The following BANK1 variants were observed in gnomAD, a reference collection of about 807,000 sequenced individuals.
The protein encoded by BANK1 is B cell scaffold protein with ankyrin repeats 1.
In BANK1, 95 loss-of-function variants were observed where a neutral mutation model predicts 94.5. That is an observed-to-expected ratio of 1.00 (90% CI 0.85 to 1.19). The LOEUF (loss-of-function observed/expected upper bound fraction) is 1.19. BANK1 is among the 50% of genes most tolerant of loss of function. The probability of loss-of-function intolerance (pLI) is 0.00; values close to 1 mark genes in which losing one functional copy is unlikely to be tolerated. For missense variants in BANK1, 987 were observed against 932.2 expected (o/e 1.06, Z -0.77); for synonymous variants, 334 against 308.4 (o/e 1.08, Z -0.87).
intron 2 of BANK1, among the ~76,000 whole-genome samples, chr4:101,851,865 T>C (rs1727489669): frequency 6.6e-6 from 1 of 152,196 alleles, no homozygotes; most frequent in East Asian, 1.9e-4. Context: ...TTTTGCTCAG[T>C]AGAAGTAGCA....
chr4:102,069,299 C>T (rs753059698), intron 13 of BANK1, among the ~76,000 whole-genome samples: 1 of 152,148 alleles, frequency 6.6e-6, no homozygotes, highest in South Asian at 2.1e-4. Context: ...GAGGCAGTGA[C>T]GGCCCAGCAT....
intron 6 of BANK1, among the ~76,000 whole-genome samples, chr4:101,903,041 G>C (rs1722333478): frequency 6.6e-6 from 1 of 152,184 alleles, no homozygotes; most frequent in South Asian, 2.1e-4. Flanking sequence ...ATAAAAAGAA[G>C]TGAATACCTT....
In BANK1 at chr4:101,918,075, AT is replaced by A; in HGVS notation, c.1093del (p.Cys365ValfsTer10). ...AGAACCTGGCTATTCATTTGCTTCA[AT>A]GTTCAGGAGCAACCTGGGCATCTAA... ...LKNLAIHLLQ[C>X]SGATWASKMK... On this transcript the variant is annotated frameshift_variant, in exon 7 of 17. Transcript: ENST00000322953. LOFTEE classifies it high-confidence loss of function. The A allele has an allele frequency of 6.2e-7, 1 of 1,612,022 alleles. No individual in the cohort carries two copies. The highest frequency in any genetic ancestry group is 2.2e-5 in the East Asian group (1 of 44,806).
At chr4:101,886,764 G>A (rs904977888) in intron 5 of BANK1, among the ~76,000 whole-genome samples, 2 of 134,280 alleles carry the variant, frequency 1.5e-5, no homozygotes, top group South Asian at 2.4e-4. Flanking sequence ...AATATATTGG[G>A]GGGGGGGGCA....
chr4:102,029,886 A>G, intron 9 of BANK1, 74 bp from the exon 10 acceptor site: 1 of 1,461,620 alleles, frequency 6.8e-7, no homozygotes, highest in African/African-American at 1.4e-5. Flanking sequence ...GGAAGCTCAA[A>G]AAAGTGACAG....
intron 6 of BANK1, among the ~76,000 whole-genome samples, chr4:101,912,635 T>A (rs1381181669): frequency 6.7e-6 from 1 of 148,244 alleles, no homozygotes; most frequent in Non-Finnish European, 1.5e-5. Context: ...TATTAATAAA[T>A]ATATAAATAA....
intron 7 of BANK1, among the ~76,000 whole-genome samples, chr4:102,017,782 T>C (rs1281234060): frequency 1.3e-5 from 2 of 152,120 alleles, no homozygotes; most frequent in African/African-American, 4.8e-5. Flanking sequence ...TTTTCTATAA[T>C]AAGATCCTGT....
intron 7 of BANK1, among the ~76,000 whole-genome samples, chr4:101,933,997 G>A (rs960906738): frequency 5.3e-5 from 8 of 151,360 alleles, no homozygotes; most frequent in Admixed American, 1.3e-4. Flanking sequence ...GTGTCTGAAC[G>A]CATATTTCAC....
intron 7 of BANK1, among the ~76,000 whole-genome samples, chr4:101,992,232 A>G (rs994074801): frequency 1.3e-5 from 2 of 152,180 alleles, no homozygotes; most frequent in African/African-American, 2.4e-5. Context: ...GACTTTTAAA[A>G]CTATAAATCA....
chr4:101,790,768 G>T lies in BANK1; in HGVS notation c.-113G>T, dbSNP rs1293975399. On this transcript the variant is annotated 5_prime_UTR_variant, in exon 1 of 17. Transcript: ENST00000322953. ...AGCCTCCGCGGGTGGCAAGCGGGCT[G>T]GGGAGAGCCGAGGGCCAAAGGAAGA... 16 of 1,182,872 alleles carry T rather than the reference G, an allele frequency of 1.4e-5. No individual in the cohort carries two copies. The highest frequency in any genetic ancestry group is 2.0e-5 in the Admixed American group (1 of 50,036). The allele number at this position is 1,182,872 out of a possible 1,614,324, so 73.3% of individuals were successfully genotyped here. A position where few individuals can be genotyped will look rare whatever the true frequency, so the allele number is the denominator to read the frequency against.
chr4:101,964,015 T>G (rs1488766800), intron 7 of BANK1, among the ~76,000 whole-genome samples: 1 of 152,168 alleles, frequency 6.6e-6, no homozygotes, highest in Non-Finnish European at 1.5e-5. Flanking sequence ...TCATTTGATG[T>G]GAACTGTTAA....
chr4:101,947,598 CA>C (rs1723981762), intron 7 of BANK1, among the ~76,000 whole-genome samples: 1 of 151,436 alleles, frequency 6.6e-6, no homozygotes, highest in African/African-American at 2.4e-5. Flanking sequence ...TCAGTGTTTG[CA>C]AATTTATTCT....
At chr4:102,066,881 T>C (rs1340385025) in intron 13 of BANK1, among the ~76,000 whole-genome samples, 1 of 152,158 alleles carries the variant, frequency 6.6e-6, no homozygotes, top group Non-Finnish European at 1.5e-5. Flanking sequence ...TTAGAAGTTA[T>C]ATAATATGAA....
chr4:101,937,497 C>T (rs1723607906), intron 7 of BANK1, among the ~76,000 whole-genome samples: 1 of 151,978 alleles, frequency 6.6e-6, no homozygotes, highest in African/African-American at 2.4e-5. Flanking sequence ...AAATGTTCAT[C>T]ATCACTGGTC....
chr4:101,810,895 G>A (rs1371195648), intron 1 of BANK1, among the ~76,000 whole-genome samples: 1 of 152,042 alleles, frequency 6.6e-6, no homozygotes, highest in African/African-American at 2.4e-5. Flanking sequence ...TTTATTATAG[G>A]TATCATGATC....
intron 6 of BANK1, 110 bp downstream of exon 6, chr4:101,895,520 T>C (rs981434565): frequency 4.8e-6 from 3 of 626,292 alleles, no homozygotes; most frequent in Admixed American, 7.1e-5. Flanking sequence ...GCTGATGAGA[T>C]GATTTAGACA....
chr4:101,831,891 G>A (rs1458329698), intron 2 of BANK1, among the ~76,000 whole-genome samples: 2 of 152,216 alleles, frequency 1.3e-5, no homozygotes, highest in African/African-American at 4.8e-5. Flanking sequence ...TCTGGAGCAG[G>A]ATTTGTCATG....
intron 10 of BANK1, among the ~76,000 whole-genome samples, chr4:102,037,557 G>A (rs578238385): frequency 6.6e-6 from 1 of 152,234 alleles, no homozygotes; most frequent in South Asian, 2.1e-4. Flanking sequence ...TGCTTCCTGA[G>A]GTTGGAAAAT....
At chr4:101,796,913 GAT>G (rs1172693316) in intron 1 of BANK1, among the ~76,000 whole-genome samples, 1 of 152,028 alleles carries the variant, frequency 6.6e-6, no homozygotes, top group African/African-American at 2.4e-5. Context: ...AGTAAGATGA[GAT>G]ATAAAACTAG....
Sources: gnomAD v4.1 joint callset for allele counts (sites outside exome capture counted in the v4.1 genomes callset) on GRCh38, gnomAD v4.1.1 for gene constraint, MANE v1.5 for transcripts, NCBI Gene and HGNC (gene_info 2026-07-23, HGNC 2026-07-21) for gene names.